BRWD1: variants seen among roughly 807,000 people sequenced by gnomAD.
BRWD1 encodes bromodomain and WD repeat-containing protein 1.
Under a neutral mutation model 251.2 loss-of-function variants are expected in BRWD1, and 82 were observed. The observed-to-expected ratio is 0.33, with a 90% CI of 0.27 to 0.39. The LOEUF is 0.39. Among genes scored for constraint, BRWD1 ranks in the 10% least tolerant of loss-of-function variants. The pLI is 1.00. For synonymous variants in BRWD1, 918 were observed against 902.8 expected, an observed-to-expected ratio of 1.02 and a Z score of -0.30; for missense variants, 2,233 against 2,711.6, an observed-to-expected ratio of 0.82 and a Z score of 3.92.
At chr21:39,210,179 A>G in intron 35 of BRWD1, 32 bp from the exon 36 acceptor site, 1 of 1,524,746 alleles carries the variant, frequency 6.6e-7, no homozygotes, top group East Asian at 2.3e-5. Flanking sequence ...TAATTCATAG[A>G]TTCATTTCTT....
chr21:39,223,874 G>A (rs956235251), intron 29 of BRWD1, among the ~76,000 whole-genome samples: 3 of 152,172 alleles, frequency 2.0e-5, no homozygotes, highest in African/African-American at 7.2e-5. Flanking sequence ...TTCTGAGATG[G>A]AGTCTCGCTG....
intron 14 of BRWD1, 27 bp from the exon 15 acceptor site, chr21:39,270,060 A>C: frequency 6.5e-7 from 1 of 1,527,588 alleles, no homozygotes; most frequent in South Asian, 1.3e-5. Flanking sequence ...CATAACATTA[A>C]GGAGGGTTTA....
chr21:39,312,930 C>T, intron 3 of BRWD1, 30 bp from the exon 4 acceptor site: 1 of 1,121,868 alleles, frequency 8.9e-7, no homozygotes, highest in African/African-American at 1.9e-5. Context: ...ACACGAGTGA[C>T]CACCCCTCCG....
In BRWD1 at chr21:39,199,171, T is replaced by G; in HGVS notation, c.5245A>C (p.Lys1749Gln). Residue 1749 changes from lysine (K) to glutamine (Q), a missense_variant, in exon 40 of 41, where the codon AAA becomes CAA. Physicochemically the swap from Lys to Gln is moderately conservative, Grantham distance 53. Around this residue, in one of 12 missense-constraint regions of BRWD1, gnomAD observed 928 missense variants for 970.0 expected, o/e 0.96. Coordinates refer to ENST00000342449, the MANE Select transcript of BRWD1 (RefSeq NM_033656.4). ...KSHTPAPSKT[K>Q]FLKIESSEED... ...TCAGAAGACTCTATTTTAAGAAATT[T>G]TGTCTTTGAAGGTGCTGGAGTATGG... 1 of 1,614,158 alleles carries G rather than the reference T, an allele frequency of 6.2e-7. No individual in the cohort carries two copies. The highest frequency in any genetic ancestry group is 8.5e-7 in the Non-Finnish European group (1 of 1,180,024).
At chr21:39,301,548 G>A (rs564198943) in intron 4 of BRWD1, among the ~76,000 whole-genome samples, 36 of 152,190 alleles carry the variant, frequency 2.4e-4, no homozygotes, top group Admixed American at 7.2e-4. Context: ...TATTCCTCCC[G>A]TCAAGCCTTC....
At chr21:39,222,649 G>A (rs1046266939) in intron 29 of BRWD1, among the ~76,000 whole-genome samples, 2 of 152,086 alleles carry the variant, frequency 1.3e-5, no homozygotes, top group East Asian at 1.9e-4. Flanking sequence ...ATAAATAAAT[G>A]GGAAAGGAGA....
chr21:39,310,575 C>G (rs1415511635), intron 4 of BRWD1, among the ~76,000 whole-genome samples: 1 of 151,456 alleles, frequency 6.6e-6, no homozygotes, highest in Non-Finnish European at 1.5e-5. Flanking sequence ...TGCAGTGAGC[C>G]GAGGCTGCTC....
In BRWD1 at chr21:39,194,865, G is replaced by T; in HGVS notation, c.*1394C>A. 1.3e-6 allele frequency: 2 copies of T among 1,532,460 alleles called. No homozygotes were observed. The highest frequency in any genetic ancestry group is 1.2e-5 in the South Asian group (1 of 83,898). The allele number at this position is 1,532,460 out of a possible 1,614,324, so 94.9% of individuals were successfully genotyped here. A position where few individuals can be genotyped will look rare whatever the true frequency, so the allele number is the denominator to read the frequency against. On this transcript the variant is annotated 3_prime_UTR_variant, in exon 41 of 41. Transcript: ENST00000342449. ...TACACAGGAGAAAAGGGTTAATTTT[G>T]TCTGAAATCAAACACAATTAGGGCT...
rs57456792 is a variant in BRWD1, at chr21:39,253,286, CAAAAAAAAAA to C, written c.2255+2349_2255+2358del. Among the ~76,000 whole-genome samples, 7 of 83,822 alleles carry C rather than the reference CAAAAAAAAAA, an allele frequency of 8.4e-5. 1 individual carries two copies. The highest frequency in any genetic ancestry group is 9.0e-5 in the Non-Finnish European group (4 of 44,462). The allele number at this position is 83,822 out of a possible 152,430, so 55.0% of individuals were successfully genotyped here. ...CTGGGTGACAAAAGCGAAACTGTCT[CAAAAAAAAAA>C]AAAAAAAAAAAAAAAGGACTAGAAG... On this transcript the variant is annotated intron_variant, in intron 19 of 40. Coordinates refer to ENST00000342449, the MANE Select transcript of BRWD1 (RefSeq NM_033656.4).
intron 31 of BRWD1, chr21:39,216,804 G>A (rs955256084): frequency 1.4e-5 from 4 of 278,626 alleles, no homozygotes; most frequent in African/African-American, 2.3e-5. Context: ...TAACTTTTAA[G>A]TTCAAGGGTA....
chr21:39,295,192 T>G (rs1046456215), intron 7 of BRWD1, among the ~76,000 whole-genome samples: 1 of 134,070 alleles, frequency 7.5e-6, no homozygotes, highest in Non-Finnish European at 1.6e-5. Flanking sequence ...TTTTTTTTTT[T>G]TTTTTTTTTT....
Position 39,193,004 on chromosome 21 carries a change from G to A in BRWD1, c.*3255C>T. ...TCTAAGTGATAATTTTTACTTACGA[G>A]GTCATAACGAGTGCAAAGGGCTTAG... is the stretch of plus-strand genomic sequence containing the variant. On this transcript the variant is annotated 3_prime_UTR_variant, in exon 41 of 41. Coordinates refer to ENST00000342449, the MANE Select transcript of BRWD1 (RefSeq NM_033656.4). The A allele has an allele frequency of 1.0e-6, 1 of 984,974 alleles. No individual in the cohort carries two copies. The highest frequency in any genetic ancestry group is 1.2e-6 in the Non-Finnish European group (1 of 829,634). 61.0% of individuals were successfully genotyped at this position (984,974 alleles called of 1,614,324 possible).
rs991968177 is a variant in BRWD1 at position 39,185,855 on chromosome 21, A to G, written c.*10404T>C. 3.9e-5 allele frequency: 6 copies of G among 152,208 alleles called. No individual in the cohort carries two copies. Among genetic ancestry groups the G allele is most frequent in the Non-Finnish European group, 8.8e-5 (6 of 67,992 alleles). 9.4% of individuals were successfully genotyped at this position (152,208 alleles called of 1,614,324 possible). A position where few individuals can be genotyped will look rare whatever the true frequency, so the allele number is the denominator to read the frequency against. The stretch of plus-strand genomic sequence containing the variant: ...TTACTTTCAACAACTTAATTTTTCC[A>G]GTAACACGTTACTATGTTAAAAAGA... On this transcript the variant is annotated 3_prime_UTR_variant, in exon 41 of 41. Transcript: ENST00000342449.
chr21:39,314,322 A>G, upstream of BRWD1: 1 of 455,926 alleles, frequency 2.2e-6, no homozygotes, highest in Non-Finnish European at 4.4e-6. Context: ...AGCCCGGCAG[A>G]AAATTACATA....
chr21:39,292,261 T>G (rs192735699), intron 8 of BRWD1, among the ~76,000 whole-genome samples: 187 of 152,028 alleles, frequency 1.2e-3, no homozygotes, highest in African/African-American at 4.2e-3. Context: ...CAAGTCTTAA[T>G]AAATCTCAGC....
In BRWD1 at chr21:39,299,552, T is replaced by C. The variant is rs191566942; in HGVS notation, c.199-970A>G. Among the ~76,000 whole-genome samples, 11 of 152,256 alleles carry C rather than the reference T, an allele frequency of 7.2e-5. No individual in the cohort carries two copies. In the East Asian group the frequency reaches 1.9e-3, roughly 27 times the overall value. On this transcript the variant is annotated intron_variant, in intron 4 of 40. Coordinates refer to ENST00000342449, the MANE Select transcript of BRWD1 (RefSeq NM_033656.4). ...ACTCCAACGTAAGAGATAAAAGATA[T>C]TGCTCTCATCTCGACAATGAGAATA...
intron 4 of BRWD1, among the ~76,000 whole-genome samples, chr21:39,305,030 G>A (rs1039463810): frequency 7.4e-6 from 1 of 135,300 alleles, no homozygotes; most frequent in Admixed American, 8.9e-5. Context: ...CACAATCTCC[G>A]CTCACTGTAA....
chr21:39,274,885 C>T (rs555510420), intron 12 of BRWD1, among the ~76,000 whole-genome samples: 1 of 152,054 alleles, frequency 6.6e-6, no homozygotes, highest in South Asian at 2.1e-4. Context: ...ACTAAAAATA[C>T]AAAAATTAGC....
At chr21:39,201,599 A>G (rs192971389) in intron 38 of BRWD1, among the ~76,000 whole-genome samples, 1 of 152,076 alleles carries the variant, frequency 6.6e-6, no homozygotes, top group Non-Finnish European at 1.5e-5. Context: ...TCCACTTATC[A>G]CTAGTGCCAT....
Sources: gnomAD v4.1 joint callset for allele counts (sites outside exome capture counted in the v4.1 genomes callset) on GRCh38, gnomAD v4.1.1 for gene constraint, gnomAD v4.1.1 regional missense constraint, MANE v1.5 for transcripts, NCBI Gene and HGNC (gene_info 2026-07-23, HGNC 2026-07-21) for gene names.